The following NUDT1 variants were observed in gnomAD, a reference collection of about 807,000 sequenced individuals.
NUDT1 encodes the protein oxidized purine nucleoside triphosphate hydrolase.
In NUDT1, 16 loss-of-function variants were observed where a neutral mutation model predicts 11.3. That is an observed-to-expected ratio of 1.41 (90% CI 0.96 to 2.15). NUDT1 has a LOEUF of 2.15. NUDT1 is among the 30% of genes most tolerant of loss of function. NUDT1 has a pLI of 0.00. For synonymous variants in NUDT1, 101 were observed against 84.4 expected, an observed-to-expected ratio of 1.20 and a Z score of -1.08; for missense variants, 234 against 208.4, an observed-to-expected ratio of 1.12 and a Z score of -0.76.
Position 2,244,593 on chromosome 7 carries a change from T to C in NUDT1, c.19T>C (p.Tyr7His), listed in dbSNP as rs368503084. Residue 7 changes from tyrosine to histidine, a missense_variant, in exon 2 of 4, where the codon TAT (tyrosine) becomes CAT (histidine). Transcript: ENST00000356714. ...AGGGACCATGGGCGCCTCCAGGCTCTATACCCTGGTGCTGGTCCTGCAGCC... is the reference window on the plus strand; with the variant it reads ...AGGGACCATGGGCGCCTCCAGGCTCCATACCCTGGTGCTGGTCCTGCAGCC... MGASRL[Y>H]TLVLVLQPQR... 1 of 1,607,840 alleles carries C rather than the reference T, an allele frequency of 6.2e-7. No homozygotes were observed. The highest frequency in any genetic ancestry group is 1.3e-5 in the African/African-American group (1 of 74,820).
chr7:2,249,709 G>T lies in NUDT1; in HGVS notation c.153-148G>T. The T allele has an allele frequency of 4.4e-6, 4 of 904,722 alleles. No individual in the cohort carries two copies. In the South Asian group the frequency reaches 4.4e-5, roughly 10 times the overall value. The allele number at this position is 904,722 out of a possible 1,614,324, so 56.0% of individuals were successfully genotyped here. A position where few individuals can be genotyped will look rare whatever the true frequency, so the allele number is the denominator to read the frequency against. ...CTCAGCCAGGTCGGGACCAGATAAT[G>T]CATTCTAGGGGACATCCTCCTGGGT... On this transcript the variant is annotated intron_variant, in intron 2 of 3. Transcript: ENST00000356714.
At chr7:2,250,442 A>C (rs1794948351) in intron 3 of NUDT1, among the ~76,000 whole-genome samples, 1 of 152,096 alleles carries the variant, frequency 6.6e-6, no homozygotes, top group Non-Finnish European at 1.5e-5. Flanking sequence ...TCTACAAAAA[A>C]ACATGGTTTT....
intron 2 of NUDT1, among the ~76,000 whole-genome samples, chr7:2,247,056 C>T (rs1178416278): frequency 6.6e-6 from 1 of 152,174 alleles, no homozygotes; most frequent in East Asian, 1.9e-4. Flanking sequence ...CAAACAGCCT[C>T]GCCCTCAGGG....
chr7:2,244,316 G>T (rs956004868), intron 1 of NUDT1, among the ~76,000 whole-genome samples: 2 of 152,104 alleles, frequency 1.3e-5, no homozygotes, highest in Non-Finnish European at 2.9e-5. Flanking sequence ...GGAAGGTAGC[G>T]CCGGCCTCTG....
At position 2,242,230 on chromosome 7, in the gene NUDT1, GC is replaced by G; in HGVS notation, c.-37del. The G allele has an allele frequency of 6.6e-7, 1 of 1,504,724 alleles. No homozygotes were observed. The highest frequency in any genetic ancestry group is 2.7e-5 in the East Asian group (1 of 36,958). 93.2% of individuals were successfully genotyped at this position (1,504,724 alleles called of 1,614,324 possible). On this transcript the variant is annotated 5_prime_UTR_variant, in exon 1 of 4. Transcript: ENST00000356714. ...TGCCTGGCCTCACTTCCGGTCAGAGGCCACGCCCCCGGAAGCGGCGGTGCAG... is the reference window on the plus strand; with the variant it reads ...TGCCTGGCCTCACTTCCGGTCAGAGGCACGCCCCCGGAAGCGGCGGTGCAG...
intron 1 of NUDT1, 113 bp from the exon 2 acceptor site, chr7:2,244,450 A>C: frequency 1.8e-5 from 16 of 895,176 alleles, no homozygotes; most frequent in East Asian, 2.6e-5. Context: ...GAGTTACAGC[A>C]TACCCCCCCG....
Position 2,246,810 on chromosome 7 carries a change from T to G in NUDT1, c.152+2084T>G, listed in dbSNP as rs568895255. On this transcript the variant is annotated intron_variant, in intron 2 of 3. Coordinates refer to ENST00000356714, the MANE Select transcript of NUDT1 (RefSeq NM_002452.4). ...CTCGGGTGTAACCTGGAGACGGGGG[T>G]TTCACCATGTTGGCCAGGCTGGTCT... is the stretch of plus-strand genomic sequence containing the variant. Among the ~76,000 whole-genome samples the G allele has an allele frequency of 4.0e-5, 6 of 151,486 alleles. No individual in the cohort carries two copies. In the South Asian group the frequency reaches 1.3e-3, roughly 32 times the overall value.
At chr7:2,242,312 G>A in intron 1 of NUDT1, 56 bp downstream of exon 1, 3 of 763,046 alleles carry the variant, frequency 3.9e-6, no homozygotes, top group East Asian at 6.6e-5. Flanking sequence ...GAGGGGAGCC[G>A]GGCCAGCGGG....
intron 2 of NUDT1, among the ~76,000 whole-genome samples, chr7:2,248,547 C>CTTTTTTTT (rs11393832): frequency 8.2e-6 from 1 of 122,606 alleles, no homozygotes; most frequent in African/African-American, 3.3e-5. Flanking sequence ...ATGATGTTTG[C>CTTTTTTTT]TTTTTTTTTT....
chr7:2,242,430 C>T, intron 1 of NUDT1, 174 bp downstream of exon 1: 1 of 439,780 alleles, frequency 2.3e-6, no homozygotes. Context: ...ACGAGGAGAG[C>T]GGGGCCGGGG....
At chr7:2,250,121 C>A in intron 3 of NUDT1, 119 bp downstream of exon 3, 1 of 1,320,416 alleles carries the variant, frequency 7.6e-7, no homozygotes, top group Non-Finnish European at 1.0e-6. Context: ...CTGCGTCCCC[C>A]TCCACCCCAC....
chr7:2,244,483 C>A, intron 1 of NUDT1, 80 bp from the exon 2 acceptor site: 2 of 1,293,348 alleles, frequency 1.5e-6, no homozygotes, highest in Non-Finnish European at 2.1e-6. Flanking sequence ...TCCCAGAGCA[C>A]GTCCCCTTCC....
At chr7:2,249,654 G>A in intron 2 of NUDT1, 1 of 644,594 alleles carries the variant, frequency 1.6e-6, no homozygotes, top group Non-Finnish European at 2.7e-6. Context: ...ACCAAAATCA[G>A]TGTCTTCAAA....
rs377001787 is a variant in NUDT1 at position 2,250,801 on chromosome 7, A to G, written c.299-28A>G. 7 of 1,613,782 alleles carry G rather than the reference A, an allele frequency of 4.3e-6. No individual in the cohort carries two copies. In the African/African-American group the frequency reaches 9.3e-5, roughly 22 times the overall value. On this transcript the variant is annotated intron_variant, in intron 3 of 3. Transcript: ENST00000356714. ...AAGCATGAAGTTTGGGTTGCACCTC[A>G]GTGCCTCCTCTTCCCCCATTGGTAC...
chr7:2,248,742 G>C lies in NUDT1; in HGVS notation c.153-1115G>C, dbSNP rs1794866173. 2.0e-5 allele frequency among the ~76,000 whole-genome samples: 3 copies of C among 152,120 alleles called. No homozygotes were observed. The South Asian group carries it at 6.2e-4, about 32-fold the overall frequency. On this transcript the variant is annotated intron_variant, in intron 2 of 3. Coordinates refer to ENST00000356714, the MANE Select transcript of NUDT1 (RefSeq NM_002452.4). ...AATTTCTGTCCTTTTTGTAGAAACAGGGTTTTGCCATATTGCCCAAGCTGG... is the reference window on the plus strand; with the variant it reads ...AATTTCTGTCCTTTTTGTAGAAACACGGTTTTGCCATATTGCCCAAGCTGG...
intron 2 of NUDT1, among the ~76,000 whole-genome samples, chr7:2,247,487 C>G (rs1794816346): frequency 6.6e-6 from 1 of 152,202 alleles, no homozygotes; most frequent in South Asian, 2.1e-4. Context: ...TAGACAGCAT[C>G]CCTGGTCCCC....
intron 1 of NUDT1, chr7:2,242,568 C>T (rs1213876562): frequency 5.7e-6 from 2 of 349,910 alleles, no homozygotes; most frequent in Admixed American, 4.5e-5. Context: ...GTACACGGGC[C>T]TGGTGTGAAA....
At position 2,244,661 on chromosome 7, in the gene NUDT1, C is replaced by T. The variant is rs200444773; in HGVS notation, c.87C>T (p.Ala29=). The T allele has an allele frequency of 8.1e-6, 13 of 1,613,696 alleles. No individual in the cohort carries two copies. The highest frequency in any genetic ancestry group is 4.4e-5 in the South Asian group (4 of 91,030). ...GCATGAAAAAGCGAGGCTTCGGGGC[C>T]GGCCGGTGGAATGGCTTTGGGGGCA... ...LLGMKKRGFG[A]GRWNGFGGKV... The change falls in exon 2 of 4, where the codon GCC becomes GCT. Residue 29 remains alanine, a synonymous_variant. Transcript: ENST00000356714.
rs143631820 is a variant in NUDT1 at position 2,250,884 on chromosome 7, C to G, written c.354C>G (p.Pro118=). 1.9e-6 allele frequency: 3 copies of G among 1,614,030 alleles called. No individual in the cohort carries two copies. Among genetic ancestry groups the G allele is most frequent in the East Asian group, 4.5e-5 (2 of 44,902 alleles). ...LDQIPFKDMW[P]DDSYWFPLLL... ...AGATCCCCTTCAAGGACATGTGGCC[C>G]GACGACAGCTACTGGTTTCCACTCC... Residue 118 remains proline, a synonymous_variant, in exon 4 of 4, where the codon CCC becomes CCG. Transcript: ENST00000356714.
Sources: gnomAD v4.1 joint callset for allele counts (sites outside exome capture counted in the v4.1 genomes callset) on GRCh38, gnomAD v4.1.1 for gene constraint, MANE v1.5 for transcripts, NCBI Gene and HGNC (gene_info 2026-07-23, HGNC 2026-07-21) for gene names.